Variants in GRIK4 observed in about 807,000 individuals in gnomAD.
GRIK4 encodes the protein glutamate ionotropic receptor kainate type subunit 4, also known as glutamate receptor ionotropic, kainate 4.
GRIK4 carries 40 observed loss-of-function variants against 104.9 expected under a neutral mutation model. The observed-to-expected ratio is 0.38, with a 90% CI of 0.30 to 0.50. The LOEUF (loss-of-function observed/expected upper bound fraction) is 0.50. Ranked by LOEUF, GRIK4 falls within the 20% of genes least tolerant of loss-of-function variation. The pLI, the probability that GRIK4 is intolerant of heterozygous loss-of-function variation, is 0.93. For missense variants in GRIK4, 1,047 were observed against 1,308.1 expected (o/e 0.80, Z 3.08); for synonymous variants, 485 against 524.9 (o/e 0.92, Z 1.04).
chr11:120,589,003 C>G lies in GRIK4; in HGVS notation c.-158-64682C>G, dbSNP rs535090885. On this transcript the variant is annotated intron_variant, in intron 1 of 20. Transcript: ENST00000527524. ...CTTTATTCTAGAAATAACGAGGAGG[C>G]TTTATGAGCAGATGGTGCAGAGAGG... 2.6e-5 allele frequency among the ~76,000 whole-genome samples: 4 copies of G among 152,254 alleles called. No homozygotes were observed. The East Asian group carries it at 5.8e-4, about 22-fold the overall frequency.
intron 3 of GRIK4, among the ~76,000 whole-genome samples, chr11:120,685,265 C>T (rs188753681): frequency 1.5e-4 from 23 of 152,282 alleles, no homozygotes; most frequent in Admixed American, 2.6e-4. Context: ...TTGACATCAC[C>T]TAAGAGAGTG....
In GRIK4 at chr11:120,905,073, G is replaced by C. The variant is rs1308393979; in HGVS notation, c.1273-217G>C. The stretch of plus-strand genomic sequence containing the variant: ...GACCCTCCATGCAGTGGGAACCACT[G>C]TGTGTTCCTGACAACAGAAGCACCT... On this transcript the variant is annotated intron_variant, in intron 12 of 20. Transcript: ENST00000527524. This position sits in a 1 kb window ranked among gnomAD's most constrained non-coding sequence, Gnocchi z 5.1. 6.6e-6 allele frequency among the ~76,000 whole-genome samples: 1 copy of C among 152,164 alleles called. No homozygotes were observed. The highest frequency in any genetic ancestry group is 2.1e-4 in the South Asian group (1 of 4,830).
intron 8 of GRIK4, among the ~76,000 whole-genome samples, chr11:120,852,091 C>T (rs1170254105): frequency 6.6e-6 from 1 of 152,188 alleles, no homozygotes; most frequent in Non-Finnish European, 1.5e-5. Context: ...GGGGAGAGCC[C>T]GAGGTGTCCA....
At chr11:120,874,579 C>T (rs1208844336) in intron 10 of GRIK4, among the ~76,000 whole-genome samples, 1 of 152,220 alleles carries the variant, frequency 6.6e-6, no homozygotes, top group African/African-American at 2.4e-5. Flanking sequence ...GACTGGCATC[C>T]CTCTGGGAGT....
intron 8 of GRIK4, among the ~76,000 whole-genome samples, chr11:120,837,465 C>A (rs76798460): frequency 6.6e-6 from 1 of 152,288 alleles, no homozygotes; most frequent in African/African-American, 2.4e-5. Context: ...AGTTTGCCAC[C>A]ACCATCCAAA....
At chr11:120,796,524 AAG>A (rs924429215) in intron 3 of GRIK4, among the ~76,000 whole-genome samples, 1 of 152,176 alleles carries the variant, frequency 6.6e-6, no homozygotes, top group Non-Finnish European at 1.5e-5. Flanking sequence ...TCCAAGGAGA[AAG>A]AGAGCACTGT....
chr11:120,595,972 G>A (rs771794468), intron 1 of GRIK4, among the ~76,000 whole-genome samples: 6 of 152,210 alleles, frequency 3.9e-5, no homozygotes, highest in Non-Finnish European at 8.8e-5. Flanking sequence ...TCACCCTCCT[G>A]AGTAGCTGGG....
intron 13 of GRIK4, among the ~76,000 whole-genome samples, chr11:120,924,318 A>G (rs1457146607): frequency 2.6e-5 from 4 of 152,304 alleles, no homozygotes; most frequent in African/African-American, 9.6e-5. Flanking sequence ...GTACCGTGGC[A>G]GCAGCCCTGG....
chr11:120,680,504 C>G (rs1950173797), intron 3 of GRIK4, among the ~76,000 whole-genome samples: 2 of 152,238 alleles, frequency 1.3e-5, no homozygotes, highest in African/African-American at 2.4e-5. Context: ...GTTTCAGCAT[C>G]AGTCTCTCAA....
chr11:120,802,660 A>G lies in GRIK4; in HGVS notation c.83-33A>G, dbSNP rs199972105. On this transcript the variant is annotated intron_variant, in intron 3 of 20. Coordinates refer to ENST00000527524, the MANE Select transcript of GRIK4 (RefSeq NM_014619.5). ...AGGAGGGTAACAGTAGCGGTGGAGTACCAATTGTCTCCATGTGGTTGCCTG... is the reference window on the plus strand; with the variant it reads ...AGGAGGGTAACAGTAGCGGTGGAGTGCCAATTGTCTCCATGTGGTTGCCTG... 7.5e-4 allele frequency: 1,188 copies of G among 1,591,532 alleles called. 2 individuals carry two copies. The Middle Eastern group carries it at 0.012, about 16-fold the overall frequency.
chr11:120,929,607 C>T (rs1943436947), intron 13 of GRIK4, among the ~76,000 whole-genome samples: 1 of 152,190 alleles, frequency 6.6e-6, no homozygotes, highest in Admixed American at 6.5e-5. Context: ...GGAAGCAGCT[C>T]CGTGGAGCCA....
At chr11:120,625,927 A>G (rs1176082121) in intron 1 of GRIK4, among the ~76,000 whole-genome samples, 2 of 152,108 alleles carry the variant, frequency 1.3e-5, no homozygotes, top group Admixed American at 1.3e-4. Flanking sequence ...TCTATTCAGA[A>G]TCTACTTCTG....
At position 120,893,434 on chromosome 11, in the gene GRIK4, A is replaced by G. The variant is rs79397077; in HGVS notation, c.1165-5098A>G. ...TAGAAGGACTATACATTTGTTTTAAATATTGTGGAACCAATTAAGCAGCCA... is the reference window on the plus strand; with the variant it reads ...TAGAAGGACTATACATTTGTTTTAAGTATTGTGGAACCAATTAAGCAGCCA... On this transcript the variant is annotated intron_variant, in intron 11 of 20. Coordinates refer to ENST00000527524, the MANE Select transcript of GRIK4 (RefSeq NM_014619.5). Among the ~76,000 whole-genome samples, 1,119 of 152,374 alleles carry G rather than the reference A, an allele frequency of 7.3e-3. 18 individuals carry two copies. Among genetic ancestry groups the G allele is most frequent in the African/African-American group, 0.025 (1,025 of 41,586 alleles).
chr11:120,893,499 T>A (rs1386118679), intron 11 of GRIK4, among the ~76,000 whole-genome samples: 1 of 152,252 alleles, frequency 6.6e-6, no homozygotes, highest in African/African-American at 2.4e-5. Context: ...ACTCACCAGC[T>A]CTGCGAGTTA....
intron 1 of GRIK4, among the ~76,000 whole-genome samples, chr11:120,628,401 C>G (rs1396058313): frequency 6.6e-6 from 1 of 152,206 alleles, no homozygotes; most frequent in Non-Finnish European, 1.5e-5. Flanking sequence ...TTTCCCTTAG[C>G]GGAAACAAGG....
intron 3 of GRIK4, among the ~76,000 whole-genome samples, chr11:120,756,669 A>C (rs1951656179): frequency 6.6e-6 from 1 of 152,162 alleles, no homozygotes. Flanking sequence ...CATCCTGTGG[A>C]TCTTCCATAT....
chr11:120,572,877 A>G (rs1340335705), intron 1 of GRIK4, among the ~76,000 whole-genome samples: 2 of 152,280 alleles, frequency 1.3e-5, no homozygotes, highest in Non-Finnish European at 2.9e-5. Context: ...AACTAAGGCC[A>G]TTAAATATTG....
At position 120,982,092 on chromosome 11, in the gene GRIK4, T is replaced by C; in HGVS notation, c.2396-14T>C. The C allele has an allele frequency of 4.2e-6, 6 of 1,439,664 alleles. No homozygotes were observed. Among genetic ancestry groups the C allele is most frequent in the South Asian group, 1.1e-5 (1 of 87,060 alleles). The allele number at this position is 1,439,664 out of a possible 1,614,324, so 89.2% of individuals were successfully genotyped here. A position where few individuals can be genotyped will look rare whatever the true frequency, so the allele number is the denominator to read the frequency against. ...CTTTTACAATATTTTTCATTTGTTA[T>C]CACTTTCTTACAGGCCTGGGAATGG... On this transcript the variant is annotated splice_polypyrimidine_tract_variant and intron_variant, in intron 19 of 20. Coordinates refer to ENST00000527524, the MANE Select transcript of GRIK4 (RefSeq NM_014619.5).
chr11:120,700,616 G>T (rs1324730420), intron 3 of GRIK4, among the ~76,000 whole-genome samples: 1 of 152,062 alleles, frequency 6.6e-6, no homozygotes, highest in Non-Finnish European at 1.5e-5. Context: ...GCGCCACCAT[G>T]TCTGGCTAAT....
Sources: gnomAD v4.1 joint callset for allele counts (sites outside exome capture counted in the v4.1 genomes callset) on GRCh38, gnomAD v4.1.1 for gene constraint, Gnocchi (gnomAD v3.1) non-coding constraint, MANE v1.5 for transcripts, NCBI Gene and HGNC (gene_info 2026-07-23, HGNC 2026-07-21) for gene names.